SNED1: variants seen among roughly 807,000 people sequenced by gnomAD.
The protein encoded by SNED1 is sushi, nidogen and EGF-like domain-containing protein 1.
SNED1 carries 81 observed loss-of-function variants against 166.7 expected under a neutral mutation model. The ratio of observed to expected loss-of-function variants is 0.49; its 90% CI spans 0.41 to 0.58. The LOEUF (loss-of-function observed/expected upper bound fraction) is 0.58, where lower values mean the gene tolerates loss of function less well. Ranked by LOEUF, SNED1 falls within the 20% of genes least tolerant of loss-of-function variation. The pLI is 0.00. For synonymous variants in SNED1, 762 were observed against 822.0 expected, an observed-to-expected ratio of 0.93 and a Z score of 1.25; for missense variants, 1,604 against 2,000.2, an observed-to-expected ratio of 0.80 and a Z score of 3.78.
intron 1 of SNED1, among the ~76,000 whole-genome samples, chr2:241,003,031 G>C (rs2060121149): frequency 6.6e-6 from 1 of 151,964 alleles, no homozygotes; most frequent in African/African-American, 2.4e-5. Context: ...CCTCTGTGCA[G>C]AGTGACCAAG....
At chr2:241,071,459 C>T (rs1369574614) in intron 24 of SNED1, 117 bp from the exon 25 acceptor site, 4 of 1,230,020 alleles carry the variant, frequency 3.3e-6, no homozygotes, top group Admixed American at 2.1e-5. Context: ...CACGCACATG[C>T]CCCCCTTCCC....
At chr2:241,012,526 A>G (rs2106570850) in intron 1 of SNED1, among the ~76,000 whole-genome samples, 1 of 152,266 alleles carries the variant, frequency 6.6e-6, no homozygotes, top group Admixed American at 6.5e-5. Flanking sequence ...TTACTTCATC[A>G]TCACCTCTGT....
Position 240,998,674 on chromosome 2 carries a change from G to C in SNED1, c.-164G>C, listed in dbSNP as rs886614289. Reference sequence around the variant, plus strand: ...CTCTGCGGAGCTGCGGCGAGAGCGCGGCCCGGCCGAACGGGCGCGGGACGC... The same window carrying C: ...CTCTGCGGAGCTGCGGCGAGAGCGCCGCCCGGCCGAACGGGCGCGGGACGC... On this transcript the variant is annotated 5_prime_UTR_variant, in exon 1 of 32. Coordinates refer to ENST00000310397, the MANE Select transcript of SNED1 (RefSeq NM_001080437.3). Among the ~76,000 whole-genome samples, 1 of 149,796 alleles carries C rather than the reference G, an allele frequency of 6.7e-6. No homozygotes were observed. The highest frequency in any genetic ancestry group is 6.7e-5 in the Admixed American group (1 of 15,032).
At chr2:241,038,651 C>T (rs1219677188) in intron 6 of SNED1, among the ~76,000 whole-genome samples, 4 of 152,268 alleles carry the variant, frequency 2.6e-5, no homozygotes, top group Non-Finnish European at 4.4e-5. Context: ...GAAACTCCTG[C>T]CCTGCTTGCC....
In SNED1 at chr2:241,092,614, C is replaced by T. The variant is rs2064107764; in HGVS notation, c.*978C>T. 1 of 152,220 alleles carries T rather than the reference C, an allele frequency of 6.6e-6. No individual in the cohort carries two copies. The highest frequency in any genetic ancestry group is 2.1e-4 in the South Asian group (1 of 4,832). The allele number at this position is 152,220 out of a possible 1,614,324, so 9.4% of individuals were successfully genotyped here. Reference sequence around the variant, plus strand: ...GACCCCTGCTTGGAAAGCTAAGGCACACTGCCACGAAGCAGCAAGGACGCC... The same window carrying T: ...GACCCCTGCTTGGAAAGCTAAGGCATACTGCCACGAAGCAGCAAGGACGCC... On this transcript the variant is annotated 3_prime_UTR_variant, in exon 32 of 32. Transcript: ENST00000310397. This position sits in a 1 kb window ranked among gnomAD's most constrained non-coding sequence, Gnocchi z 4.6.
intron 28 of SNED1, 88 bp downstream of exon 28, chr2:241,081,881 G>C: frequency 2.0e-6 from 2 of 1,008,216 alleles, no homozygotes. Context: ...GGTTTGCCAC[G>C]GGAGCCTCCA....
chr2:241,027,741 T>G (rs1209192824), intron 1 of SNED1, among the ~76,000 whole-genome samples: 9 of 151,508 alleles, frequency 5.9e-5, no homozygotes, highest in Non-Finnish European at 1.2e-4. Flanking sequence ...CTGTTTTTTT[T>G]TTTTTTTTTT....
In SNED1 at chr2:241,071,893, C is replaced by A. The variant is rs779593115; in HGVS notation, c.3817+15C>A. 8 of 1,586,466 alleles carry A rather than the reference C, an allele frequency of 5.0e-6. No individual in the cohort carries two copies. In the African/African-American group the frequency reaches 1.1e-4, roughly 21 times the overall value. On this transcript the variant is annotated intron_variant, in intron 26 of 31. Transcript: ENST00000310397. ...CGTGAGATCACGTGAGTGCCAGGGC[C>A]TCCCCACCCACCTTGGTGGCCCACC...
chr2:241,040,945 T>G, intron 8 of SNED1: 1 of 418,336 alleles, frequency 2.4e-6, no homozygotes, highest in Non-Finnish European at 4.9e-6. Context: ...AGTATAAAAA[T>G]GGCTTTCGTG....
intron 5 of SNED1, 88 bp from the exon 6 acceptor site, chr2:241,037,152 C>T (rs966092144): frequency 8.2e-7 from 1 of 1,215,180 alleles, no homozygotes; most frequent in Admixed American, 2.0e-5. Flanking sequence ...GCTTGCTCCT[C>T]CTCCGTCCCC....
At chr2:241,077,850 G>C (rs1045306978) in intron 27 of SNED1, among the ~76,000 whole-genome samples, 2 of 152,152 alleles carry the variant, frequency 1.3e-5, no homozygotes, top group African/African-American at 4.8e-5. Context: ...GACGTGGAGA[G>C]ATCAGAACCC....
intron 4 of SNED1, among the ~76,000 whole-genome samples, chr2:241,034,931 C>A (rs1225520305): frequency 1.3e-5 from 2 of 152,076 alleles, no homozygotes; most frequent in Non-Finnish European, 2.9e-5. Flanking sequence ...AGAGAAGACC[C>A]CACACACACA....
At chr2:241,021,306 A>G (rs756305030) in intron 1 of SNED1, among the ~76,000 whole-genome samples, 38 of 152,160 alleles carry the variant, frequency 2.5e-4, no homozygotes, top group Non-Finnish European at 4.0e-4. Context: ...TTCACACACC[A>G]TGCAGTTCAC....
At chr2:241,087,319 C>G in intron 29 of SNED1, 73 bp from the exon 30 acceptor site, 1 of 1,428,442 alleles carries the variant, frequency 7.0e-7, no homozygotes, top group East Asian at 2.5e-5. Flanking sequence ...TGTGGGTTCA[C>G]ATAGCCTAGG....
chr2:241,011,639 CAAT>C (rs1244091692), intron 1 of SNED1, among the ~76,000 whole-genome samples: 3 of 152,210 alleles, frequency 2.0e-5, no homozygotes, highest in African/African-American at 7.2e-5. Context: ...AGGCAAATAA[CAAT>C]AATAGAATTG....
intron 8 of SNED1, among the ~76,000 whole-genome samples, chr2:241,043,402 T>C (rs1293440202): frequency 6.6e-6 from 1 of 152,162 alleles, no homozygotes; most frequent in Non-Finnish European, 1.5e-5. Context: ...TGTACTGTAT[T>C]ACCAGCAAAA....
chr2:241,081,895 G>A (rs1344554217), intron 28 of SNED1, 102 bp downstream of exon 28: 12 of 868,114 alleles, frequency 1.4e-5, no homozygotes, highest in South Asian at 4.4e-5. Flanking sequence ...GCCTCCAAAC[G>A]ATGAGGTGCC....
intron 16 of SNED1, among the ~76,000 whole-genome samples, chr2:241,058,504 GA>G (rs1474681482): frequency 6.6e-6 from 1 of 152,120 alleles, no homozygotes; most frequent in Non-Finnish European, 1.5e-5. Context: ...TTAGTTCTTT[GA>G]AAAGCCTAAT....
At position 241,071,814 on chromosome 2, in the gene SNED1, C is replaced by T. The variant is rs557912636; in HGVS notation, c.3753C>T (p.Asp1251=). 1.3e-4 allele frequency: 215 copies of T among 1,599,556 alleles called. No homozygotes were observed. Among genetic ancestry groups the T allele is most frequent in the South Asian group, 9.5e-4 (84 of 88,068 alleles). Reference sequence around the variant, plus strand: ...TCTGCAGGTTCTCGGAGCTTGTGGACGGCAGAGGAAGAGTGAGCGCCAGGT... The same window carrying T: ...TCTGCAGGTTCTCGGAGCTTGTGGATGGCAGAGGAAGAGTGAGCGCCAGGT... ...TQPPRFSELV[D]GRGRVSARFG... The change falls in exon 26 of 32, where the codon GAC becomes GAT. Residue 1251 remains aspartate, a synonymous_variant. Transcript: ENST00000310397.
Sources: gnomAD v4.1 joint callset for allele counts (sites outside exome capture counted in the v4.1 genomes callset) on GRCh38, gnomAD v4.1.1 for gene constraint, Gnocchi (gnomAD v3.1) non-coding constraint, MANE v1.5 for transcripts, NCBI Gene and HGNC (gene_info 2026-07-23, HGNC 2026-07-21) for gene names.